The following COL25A1 variants were observed in gnomAD, a reference collection of about 807,000 sequenced individuals.
COL25A1 encodes the protein collagen type XXV alpha 1 chain, also known as collagen alpha-1(XXV) chain.
In COL25A1, 103 loss-of-function variants were observed where a neutral mutation model predicts 128.4. The observed-to-expected ratio is 0.80, with a 90% CI of 0.68 to 0.94. The LOEUF (loss-of-function observed/expected upper bound fraction) is 0.94. COL25A1 is among the 40% of genes least tolerant of loss of function. The pLI, the probability that COL25A1 is intolerant of heterozygous loss-of-function variation, is 0.00. For missense variants in COL25A1, 745 were observed against 840.0 expected (o/e 0.89, Z 1.40); for synonymous variants, 279 against 277.2 (o/e 1.01, Z -0.06).
intron 3 of COL25A1, among the ~76,000 whole-genome samples, chr4:109,123,264 T>C (rs560082391): frequency 2.0e-5 from 3 of 151,676 alleles, no homozygotes; most frequent in African/African-American, 7.2e-5. Context: ...ACAGCAGCCA[T>C]AAAAATAAGG....
intron 3 of COL25A1, among the ~76,000 whole-genome samples, chr4:109,268,172 T>C (rs943995577): frequency 6.6e-6 from 1 of 152,246 alleles, no homozygotes; most frequent in Non-Finnish European, 1.5e-5. Flanking sequence ...GCACAATTAC[T>C]TTTGTCACAG....
intron 3 of COL25A1, among the ~76,000 whole-genome samples, chr4:109,145,170 C>A (rs1181483195): frequency 1.3e-5 from 2 of 151,574 alleles, no homozygotes; most frequent in Non-Finnish European, 2.9e-5. Flanking sequence ...TGGGTTCACG[C>A]CATTCTCCTG....
chr4:108,924,872 T>A (rs34751265), intron 11 of COL25A1, among the ~76,000 whole-genome samples: 2,630 of 152,296 alleles, frequency 0.017, 49 homozygotes, highest in Middle Eastern at 0.041. Flanking sequence ...TAATCCCCGG[T>A]CCTCTCCTGC....
At chr4:109,142,485 T>A (rs1346620183) in intron 3 of COL25A1, among the ~76,000 whole-genome samples, 1 of 152,100 alleles carries the variant, frequency 6.6e-6, no homozygotes, top group Non-Finnish European at 1.5e-5. Context: ...TAATTTTCTG[T>A]CTCGTTAATC....
chr4:109,208,771 C>T (rs1052973834), intron 3 of COL25A1, among the ~76,000 whole-genome samples: 18 of 152,212 alleles, frequency 1.2e-4, no homozygotes, highest in South Asian at 2.1e-4. Context: ...TTTTTTAATA[C>T]TAAGCTACAG....
At chr4:109,262,747 T>C (rs1781538014) in intron 3 of COL25A1, among the ~76,000 whole-genome samples, 1 of 152,190 alleles carries the variant, frequency 6.6e-6, no homozygotes, top group Non-Finnish European at 1.5e-5. Flanking sequence ...GTTACACACA[T>C]TAATATCCCC....
intron 6 of COL25A1, among the ~76,000 whole-genome samples, chr4:108,990,497 CATA>C (rs1754129360): frequency 6.6e-6 from 1 of 151,562 alleles, no homozygotes; most frequent in Non-Finnish European, 1.5e-5. Context: ...ATGCTATAAC[CATA>C]TCTAACAGTG....
At chr4:108,835,377 A>T (rs1309786550) in intron 31 of COL25A1, among the ~76,000 whole-genome samples, 1 of 152,190 alleles carries the variant, frequency 6.6e-6, no homozygotes, top group Non-Finnish European at 1.5e-5. Context: ...AGATTGCAGA[A>T]CTATTTCCCA....
At chr4:108,925,891 T>C (rs1283316792) in intron 11 of COL25A1, among the ~76,000 whole-genome samples, 1 of 152,108 alleles carries the variant, frequency 6.6e-6, no homozygotes, top group Non-Finnish European at 1.5e-5. Flanking sequence ...AATGAGAGTG[T>C]TGTGTATGTG....
intron 19 of COL25A1, among the ~76,000 whole-genome samples, chr4:108,879,343 T>C (rs571310549): frequency 9.2e-5 from 14 of 152,158 alleles, no homozygotes; most frequent in African/African-American, 3.1e-4. Flanking sequence ...ACTAAAATGA[T>C]TTCATATGTT....
chr4:109,062,294 G>A (rs1762049033), intron 3 of COL25A1, among the ~76,000 whole-genome samples: 1 of 152,134 alleles, frequency 6.6e-6, no homozygotes, highest in Admixed American at 6.5e-5. Flanking sequence ...GAGGGAGAAG[G>A]TAATTTCAAA....
intron 5 of COL25A1, among the ~76,000 whole-genome samples, chr4:109,014,279 C>T (rs894568809): frequency 6.0e-5 from 9 of 151,180 alleles, no homozygotes; most frequent in South Asian, 2.1e-4. Flanking sequence ...TGTACTCTAG[C>T]CTCAGTTATA....
intron 24 of COL25A1, among the ~76,000 whole-genome samples, chr4:108,853,427 C>T (rs1159756131): frequency 4.0e-5 from 6 of 151,620 alleles, no homozygotes; most frequent in East Asian, 1.9e-4. Context: ...AGATATTAGT[C>T]GACATAGAAT....
intron 15 of COL25A1, among the ~76,000 whole-genome samples, chr4:108,897,516 A>C (rs1317953309): frequency 6.6e-6 from 1 of 152,196 alleles, no homozygotes; most frequent in East Asian, 1.9e-4. Flanking sequence ...TCCAGCACCT[A>C]CTGGGCAAAT....
At chr4:109,280,149 C>A (rs1723228970) in intron 3 of COL25A1, among the ~76,000 whole-genome samples, 1 of 152,170 alleles carries the variant, frequency 6.6e-6, no homozygotes, top group African/African-American at 2.4e-5. Context: ...ATGAAAATGA[C>A]AACATGATTA....
chr4:109,098,363 C>T (rs967779384), intron 3 of COL25A1, among the ~76,000 whole-genome samples: 1 of 152,146 alleles, frequency 6.6e-6, no homozygotes, highest in Admixed American at 6.5e-5. Flanking sequence ...CCCAAGAATC[C>T]TCACCTCTGG....
intron 3 of COL25A1, among the ~76,000 whole-genome samples, chr4:109,136,455 G>A (rs1769775496): frequency 6.6e-6 from 1 of 152,148 alleles, no homozygotes. Context: ...TGAAGAAAGA[G>A]CAAGAGCTCC....
intron 3 of COL25A1, among the ~76,000 whole-genome samples, chr4:109,250,956 C>T (rs1780605555): frequency 6.6e-6 from 1 of 152,116 alleles, no homozygotes; most frequent in South Asian, 2.1e-4. Context: ...TGCATACAAC[C>T]AAAAACACAT....
intron 8 of COL25A1, among the ~76,000 whole-genome samples, chr4:108,960,675 C>T (rs1300182439): frequency 2.0e-5 from 3 of 152,176 alleles, no homozygotes; most frequent in Admixed American, 2.0e-4. Flanking sequence ...CTAGAACCAT[C>T]TTCTTCAACC....
Sources: allele counts gnomAD v4.1 joint callset (sites outside exome capture counted in the v4.1 genomes callset), GRCh38; gene constraint gnomAD v4.1.1; transcripts MANE v1.5; gene names NCBI Gene and HGNC (gene_info 2026-07-23, HGNC 2026-07-21).